The following EYS variants were observed in gnomAD, a reference collection of about 807,000 sequenced individuals.
EYS encodes the protein EGF-like photoreceptor maintenance factor.
EYS carries 250 observed loss-of-function variants against 282.1 expected under a neutral mutation model. That is an observed-to-expected ratio of 0.89 (90% confidence interval 0.80 to 0.98). The LOEUF is 0.98. EYS is among the 50% of genes least tolerant of loss of function. The pLI is 0.00. For synonymous variants in EYS, 1,355 were observed against 1,282.9 expected (o/e 1.06, Z -1.20); for missense variants, 4,016 against 3,709.0 (o/e 1.08, Z -2.15).
intron 31 of EYS, among the ~76,000 whole-genome samples, chr6:64,153,677 C>CA (rs144522465): frequency 0.028 from 4,275 of 152,198 alleles, 64 homozygotes; most frequent in Non-Finnish European, 0.045. Flanking sequence ...GATGTGGAGA[C>CA]ACAAGAACTG....
At chr6:64,200,653 G>A in intron 31 of EYS, among the ~76,000 whole-genome samples, 1 of 152,120 alleles carries the variant, frequency 6.6e-6, no homozygotes, top group East Asian at 1.9e-4. Flanking sequence ...ATGTGGAACA[G>A]GAGAGAAGCA....
chr6:64,825,607 A>C (rs1222374769), intron 19 of EYS, among the ~76,000 whole-genome samples: 1 of 151,888 alleles, frequency 6.6e-6, no homozygotes, highest in African/African-American at 2.4e-5. Context: ...AGTCCTTGCG[A>C]AGGTGAGAGT....
chr6:65,688,020 T>C (rs1297154346), intron 1 of EYS, among the ~76,000 whole-genome samples: 1 of 152,116 alleles, frequency 6.6e-6, no homozygotes, highest in Admixed American at 6.6e-5. Flanking sequence ...AGGTAATTTA[T>C]AGATCCAATG....
chr6:64,595,274 A>G (rs1334679931), intron 24 of EYS, among the ~76,000 whole-genome samples: 1 of 152,200 alleles, frequency 6.6e-6, no homozygotes, highest in Non-Finnish European at 1.5e-5. Flanking sequence ...CAAATTTGGC[A>G]TTAAAAAATA....
intron 19 of EYS, among the ~76,000 whole-genome samples, chr6:64,857,990 G>T (rs926300217): frequency 6.6e-6 from 1 of 151,830 alleles, no homozygotes; most frequent in African/African-American, 2.4e-5. Flanking sequence ...TAAATATTTT[G>T]GATATTAACT....
intron 14 of EYS, among the ~76,000 whole-genome samples, chr6:64,950,006 C>T (rs9445445): frequency 2.3e-3 from 347 of 151,976 alleles, no homozygotes; most frequent in African/African-American, 7.8e-3. Context: ...AGAAGTACCA[C>T]GATTGGCTCA....
At chr6:65,413,106 A>G (rs1028499341) in intron 5 of EYS, among the ~76,000 whole-genome samples, 4 of 152,170 alleles carry the variant, frequency 2.6e-5, no homozygotes, top group African/African-American at 4.8e-5. Flanking sequence ...CAGAAACACC[A>G]TATTTGTTTA....
chr6:65,028,816 C>A, intron 13 of EYS, among the ~76,000 whole-genome samples: 1 of 151,994 alleles, frequency 6.6e-6, no homozygotes, highest in East Asian at 1.9e-4. Context: ...GTTAAAGAAT[C>A]TTTCACCCAC....
chr6:64,341,931 C>A (rs527940307), intron 29 of EYS, among the ~76,000 whole-genome samples: 2 of 151,612 alleles, frequency 1.3e-5, no homozygotes, highest in South Asian at 4.1e-4. Context: ...AATGGAGGAA[C>A]ATATGTGCTT....
intron 26 of EYS, among the ~76,000 whole-genome samples, chr6:64,442,492 C>A (rs529935289): frequency 6.6e-6 from 1 of 152,204 alleles, no homozygotes; most frequent in African/African-American, 2.4e-5. Context: ...AAATGTTAAT[C>A]CCCCAAGATA....
chr6:65,607,815 C>T (rs1336226465), intron 2 of EYS, among the ~76,000 whole-genome samples: 1 of 151,816 alleles, frequency 6.6e-6, no homozygotes, highest in Admixed American at 6.6e-5. Flanking sequence ...AAATGCCACT[C>T]TTATTGTTTA....
Position 65,313,103 on chromosome 6 carries a change from C to T in EYS, c.1767-16984G>A, listed in dbSNP as rs367634753. On this transcript the variant is annotated intron_variant, in intron 11 of 42. Transcript: ENST00000503581. ...CTCTTAAAGAGCATCTTGAACCCTA[C>T]AAGTCTAGATGGCCCTGGCCTATTC... is the stretch of plus-strand genomic sequence containing the variant. 3.2e-4 allele frequency among the ~76,000 whole-genome samples: 49 copies of T among 152,282 alleles called. 1 individual carries two copies. In the South Asian group the frequency reaches 9.9e-3, roughly 31 times the overall value.
At position 64,499,095 on chromosome 6, in the gene EYS, G is replaced by A. The variant is rs529195013; in HGVS notation, c.5645-59743C>T. Among the ~76,000 whole-genome samples the A allele has an allele frequency of 3.9e-5, 6 of 152,058 alleles. No individual in the cohort carries two copies. The East Asian group carries it at 7.7e-4, about 20-fold the overall frequency. On this transcript the variant is annotated intron_variant, in intron 26 of 42. Transcript: ENST00000503581. ...TCCCACCAACAATGTAAAAACATTC[G>A]TATTTCTCCACATCTTTGCCAGCAT...
chr6:65,611,592 G>C (rs1766004845), intron 2 of EYS, among the ~76,000 whole-genome samples: 1 of 151,994 alleles, frequency 6.6e-6, no homozygotes, highest in African/African-American at 2.4e-5. Flanking sequence ...ATTGATCAGA[G>C]ACAGTTAAAT....
chr6:64,303,294 C>T (rs1769300177), intron 30 of EYS, among the ~76,000 whole-genome samples: 1 of 152,138 alleles, frequency 6.6e-6, no homozygotes, highest in Non-Finnish European at 1.5e-5. Flanking sequence ...CAGGTCACTC[C>T]TTGATTGGAA....
chr6:63,767,074 C>T (rs1465534065), intron 40 of EYS, among the ~76,000 whole-genome samples: 1 of 152,132 alleles, frequency 6.6e-6, no homozygotes, highest in East Asian at 1.9e-4. Context: ...ATTGAAGGAA[C>T]ATACTTCAAA....
intron 22 of EYS, among the ~76,000 whole-genome samples, chr6:64,650,925 A>G (rs1285439576): frequency 6.6e-6 from 1 of 152,066 alleles, no homozygotes; most frequent in Non-Finnish European, 1.5e-5. Flanking sequence ...AATAAAATAT[A>G]AAAATGTATC....
chr6:64,627,845 C>T (rs1379339201), intron 22 of EYS, among the ~76,000 whole-genome samples: 4 of 152,054 alleles, frequency 2.6e-5, no homozygotes, highest in African/African-American at 9.7e-5. Context: ...TTTGGGAGAC[C>T]GAGGCGGGTG....
rs141831570 is a variant in EYS at position 65,011,796 on chromosome 6, G to A, written c.2138-14093C>T. 2.1e-3 allele frequency among the ~76,000 whole-genome samples: 324 copies of A among 152,258 alleles called. 1 individual carries two copies. The highest frequency in any genetic ancestry group is 7.5e-3 in the African/African-American group (312 of 41,530). ...GAGAGCTCACTAAAATGCTAATTAG[G>A]CAACAACAGGAGGTAAAGAAATAGC... On this transcript the variant is annotated intron_variant, in intron 13 of 42. Coordinates refer to ENST00000503581, the MANE Select transcript of EYS (RefSeq NM_001142800.2).
Sources: gnomAD v4.1 joint callset for allele counts (sites outside exome capture counted in the v4.1 genomes callset) on GRCh38, gnomAD v4.1.1 for gene constraint, MANE v1.5 for transcripts, NCBI Gene and HGNC (gene_info 2026-07-23, HGNC 2026-07-21) for gene names.